Variants in TAB3 observed in about 807,000 individuals in gnomAD.
The protein encoded by TAB3 is TGF-beta activated kinase 1 (MAP3K7) binding protein 3.
TAB3 carries 18 observed loss-of-function variants against 48.1 expected under a neutral mutation model. That is an observed-to-expected ratio of 0.37 (90% CI 0.26 to 0.55). The LOEUF is 0.55. Ranked by LOEUF, TAB3 falls within the 20% of genes least tolerant of loss-of-function variation. TAB3 has a pLI of 0.78. For missense variants in TAB3, 414 were observed against 549.8 expected, an observed-to-expected ratio of 0.75 and a Z score of 2.47; for synonymous variants, 185 against 190.2, an observed-to-expected ratio of 0.97 and a Z score of 0.22.
intron 1 of TAB3, among the ~76,000 whole-genome samples, chrX:30,881,108 A>G (rs1939987857): frequency 9.0e-6 from 1 of 111,485 alleles, no homozygotes; most frequent in Non-Finnish European, 1.9e-5. Context: ...CAAATTCACG[A>G]TGTTGCATAA....
chrX:30,859,360 C>CACACACACACACACACACACACA (rs1555941683), intron 5 of TAB3, 127 bp downstream of exon 5: 1 of 292,175 alleles, frequency 3.4e-6, no homozygotes, highest in African/African-American at 3.2e-5. Flanking sequence ...AAATCCTGCT[C>CACACACACACACACACACACACA]CACACACACA....
At chrX:30,849,421 T>C (rs148459223) in intron 7 of TAB3, among the ~76,000 whole-genome samples, 235 of 112,381 alleles carry the variant, frequency 2.1e-3, no homozygotes, top group Non-Finnish European at 3.8e-3. Context: ...TCTAATCAAT[T>C]TTGTATATAC....
intron 4 of TAB3, among the ~76,000 whole-genome samples, chrX:30,861,260 C>T (rs781340955): frequency 7.2e-5 from 8 of 111,492 alleles, no homozygotes; most frequent in Non-Finnish European, 1.5e-4. Flanking sequence ...TTTCACTATA[C>T]TAAACCAGTC....
At chrX:30,886,886 G>A (rs1940146937) in intron 1 of TAB3, among the ~76,000 whole-genome samples, 2 of 112,368 alleles carry the variant, frequency 1.8e-5, no homozygotes, top group Non-Finnish European at 3.8e-5. Context: ...CTGGCAAGAT[G>A]TTCCTGCTGT....
At chrX:30,872,514 A>G (rs1220927628) in intron 1 of TAB3, among the ~76,000 whole-genome samples, 2 of 112,214 alleles carry the variant, frequency 1.8e-5, no homozygotes, top group East Asian at 5.5e-4. Context: ...TTCTTCAAGA[A>G]TCACTTTATC....
At chrX:30,848,015 A>G (rs1268865659) in intron 7 of TAB3, among the ~76,000 whole-genome samples, 2 of 112,601 alleles carry the variant, frequency 1.8e-5, no homozygotes, top group African/African-American at 6.5e-5. Flanking sequence ...AGTTTAAAAT[A>G]TATACTTGAA....
At chrX:30,870,514 T>A (rs1939634537) in intron 2 of TAB3, among the ~76,000 whole-genome samples, 1 of 111,536 alleles carries the variant, frequency 9.0e-6, no homozygotes, top group South Asian at 3.8e-4. Flanking sequence ...TAATAAGTAG[T>A]CAGAAAAAGA....
chrX:30,864,704 C>T (rs1939349165), intron 4 of TAB3, among the ~76,000 whole-genome samples: 1 of 111,856 alleles, frequency 8.9e-6, no homozygotes, highest in Non-Finnish European at 1.9e-5. Flanking sequence ...AGGTCACTTC[C>T]TGAAACAGTT....
chrX:30,874,645 A>G, intron 1 of TAB3, among the ~76,000 whole-genome samples: 1 of 112,423 alleles, frequency 8.9e-6, no homozygotes, highest in East Asian at 2.8e-4. Context: ...GCTGAAAACA[A>G]TGATTTGAAA....
chrX:30,845,152 T>C, intron 8 of TAB3: 1 of 112,536 alleles, frequency 8.9e-6, no homozygotes. Flanking sequence ...TGCCTAAAAA[T>C]GGCAGTGAGA....
At chrX:30,852,427 T>C (rs986604138) in intron 7 of TAB3, among the ~76,000 whole-genome samples, 7 of 101,650 alleles carry the variant, frequency 6.9e-5, no homozygotes, top group African/African-American at 2.5e-4. Flanking sequence ...ATATATCATA[T>C]GCTTAGAAGA....
At chrX:30,839,967 C>G (rs1724398257) in intron 9 of TAB3, among the ~76,000 whole-genome samples, 1 of 100,533 alleles carries the variant, frequency 9.9e-6, no homozygotes, top group Non-Finnish European at 2.0e-5. Flanking sequence ...AAAACACACA[C>G]TTACTAATAT....
At chrX:30,849,308 C>CTAA (rs1419059522) in intron 7 of TAB3, among the ~76,000 whole-genome samples, 2 of 112,372 alleles carry the variant, frequency 1.8e-5, no homozygotes, top group East Asian at 5.6e-4. Flanking sequence ...TTCTGCTCTC[C>CTAA]TTAGAAAAAG....
intron 7 of TAB3, among the ~76,000 whole-genome samples, chrX:30,852,238 C>T (rs1938878851): frequency 9.0e-6 from 1 of 111,715 alleles, no homozygotes; most frequent in Non-Finnish European, 1.9e-5. Flanking sequence ...AGAGCAGTTC[C>T]CTTTAAGACT....
chrX:30,870,516 A>T (rs968252895), intron 2 of TAB3, among the ~76,000 whole-genome samples: 2 of 112,509 alleles, frequency 1.8e-5, no homozygotes, highest in African/African-American at 6.5e-5. Context: ...ATAAGTAGTC[A>T]GAAAAAGAAA....
intron 1 of TAB3, among the ~76,000 whole-genome samples, chrX:30,888,311 T>A (rs1940188228): frequency 8.9e-6 from 1 of 112,383 alleles, no homozygotes; most frequent in Admixed American, 9.4e-5. Flanking sequence ...AAGAAACACA[T>A]CGAACTGACA....
chrX:30,867,458 A>C lies in TAB3; in HGVS notation c.-195+7T>G, dbSNP rs1939445614. On this transcript the variant is annotated splice_region_variant and intron_variant, in intron 3 of 10. Coordinates refer to ENST00000288422, the MANE Select transcript of TAB3 (RefSeq NM_152787.5). ...ATAGAGTTATTTAAAATTAGAAAAA[A>C]AAATACCTCAAGATGGTTTATCAAC... The C allele has an allele frequency of 8.9e-6, 1 of 111,803 alleles. No homozygotes were observed. The highest frequency in any genetic ancestry group is 3.3e-5 in the African/African-American group (1 of 30,706). 9.2% of individuals were successfully genotyped at this position (111,803 alleles called of 1,213,427 possible). A position where few individuals can be genotyped will look rare whatever the true frequency, so the allele number is the denominator to read the frequency against.
chrX:30,873,575 C>T (rs1417744532), intron 1 of TAB3, among the ~76,000 whole-genome samples: 1 of 110,006 alleles, frequency 9.1e-6, no homozygotes, highest in East Asian at 2.8e-4. Flanking sequence ...TCTCCTTCCA[C>T]CTCCTCCCCT....
At position 30,846,358 on chromosome X, in the gene TAB3, A is replaced by G. The variant is rs1254975691; in HGVS notation, c.1804+193T>C. On this transcript the variant is annotated intron_variant, in intron 8 of 10. Transcript: ENST00000288422. ...GTCTAAATGATAAGAACTTGATGAA[A>G]CTGCCGAAGTAAAACTATTTTTTCA... 5.3e-5 allele frequency: 20 copies of G among 373,834 alleles called. No individual in the cohort carries two copies. In the Admixed American group the frequency reaches 1.0e-3, roughly 19 times the overall value. 30.8% of individuals were successfully genotyped at this position (373,834 alleles called of 1,213,427 possible).
Sources: allele counts gnomAD v4.1 joint callset (sites outside exome capture counted in the v4.1 genomes callset), GRCh38; gene constraint gnomAD v4.1.1; transcripts MANE v1.5; gene names NCBI Gene and HGNC (gene_info 2026-07-23, HGNC 2026-07-21).